Variants in CACNA1C observed in about 807,000 individuals in gnomAD.
CACNA1C encodes calcium voltage-gated channel subunit alpha1 C.
A neutral mutation model predicts 229.0 loss-of-function variants in CACNA1C; 30 were observed. The ratio of observed to expected loss-of-function variants is 0.13; its 90% CI spans 0.10 to 0.18. CACNA1C has a LOEUF of 0.18. Among genes scored for constraint, CACNA1C ranks in the 10% least tolerant of loss-of-function variants. CACNA1C has a pLI of 1.00. For synonymous variants in CACNA1C, 1,114 were observed against 1,132.5 expected (o/e 0.98, Z 0.33); for missense variants, 1,658 against 2,845.0 (o/e 0.58, Z 9.49).
intron 3 of CACNA1C, among the ~76,000 whole-genome samples, chr12:2,222,625 C>A (rs1015601768): frequency 6.6e-6 from 1 of 152,102 alleles, no homozygotes; most frequent in African/African-American, 2.4e-5. Context: ...TTTATGGTAC[C>A]CTGTCGTGCC....
At chr12:2,293,858 A>G (rs1243689388) in intron 3 of CACNA1C, among the ~76,000 whole-genome samples, 1 of 152,268 alleles carries the variant, frequency 6.6e-6, no homozygotes. Context: ...ATGAGTGACT[A>G]ATAGATAACA....
intron 3 of CACNA1C, among the ~76,000 whole-genome samples, chr12:2,265,102 G>A (rs1286039795): frequency 6.6e-6 from 1 of 152,184 alleles, no homozygotes; most frequent in Non-Finnish European, 1.5e-5. Context: ...ACAATACCAG[G>A]GATTCCAGGA....
intron 1 of CACNA1C, among the ~76,000 whole-genome samples, chr12:2,101,379 GGA>G (rs2076348502): frequency 6.6e-6 from 1 of 152,214 alleles, no homozygotes; most frequent in Admixed American, 6.5e-5. Flanking sequence ...CTGACAGGGT[GGA>G]GCAGACCACG....
At chr12:2,622,870 C>T (rs1055765505) in intron 29 of CACNA1C, among the ~76,000 whole-genome samples, 9 of 152,222 alleles carry the variant, frequency 5.9e-5, no homozygotes, top group African/African-American at 2.2e-4. Flanking sequence ...AGTTTTCCAT[C>T]TCCTGGTGGC....
At chr12:2,390,399 C>T (rs10160993) in intron 3 of CACNA1C, among the ~76,000 whole-genome samples, 2 of 151,982 alleles carry the variant, frequency 1.3e-5, no homozygotes, top group African/African-American at 4.8e-5. Context: ...CTTAACATTA[C>T]GGGACAGTCA....
intron 42 of CACNA1C, chr12:2,680,272 G>A: frequency 2.0e-6 from 2 of 1,014,336 alleles, no homozygotes; most frequent in Non-Finnish European, 1.4e-6. Context: ...GGCCCATTCT[G>A]CCCAGCACAG....
intron 3 of CACNA1C, chr12:2,220,440 G>A (rs974792261): frequency 1.3e-5 from 2 of 152,494 alleles, no homozygotes; most frequent in African/African-American, 4.8e-5. Flanking sequence ...CTGATATTTG[G>A]TGTGAAGAGG....
intron 10 of CACNA1C, among the ~76,000 whole-genome samples, chr12:2,556,387 C>A (rs559449734): frequency 6.6e-6 from 1 of 152,208 alleles, no homozygotes; most frequent in South Asian, 2.1e-4. Flanking sequence ...TGCGTGTGAC[C>A]GTCAGCATCC....
chr12:2,037,538 A>T (rs1306697282), intron 1 of CACNA1C, among the ~76,000 whole-genome samples: 4 of 152,226 alleles, frequency 2.6e-5, no homozygotes, highest in South Asian at 4.1e-4. Flanking sequence ...GAAAAGGGTC[A>T]GAATGGTCCC....
At chr12:2,561,382 T>G (rs542251598) in intron 11 of CACNA1C, among the ~76,000 whole-genome samples, 309 of 152,352 alleles carry the variant, frequency 2.0e-3, no homozygotes, top group Non-Finnish European at 3.8e-3. Flanking sequence ...TGTGTCTCCG[T>G]GTAGCTTTTA....
At chr12:2,656,819 A>G (rs2095447262) in intron 34 of CACNA1C, among the ~76,000 whole-genome samples, 1 of 152,260 alleles carries the variant, frequency 6.6e-6, no homozygotes, top group Non-Finnish European at 1.5e-5. Context: ...TGCCAAGAAC[A>G]CACAGTGGAG....
At chr12:2,062,313 G>A (rs374240828) in intron 1 of CACNA1C, among the ~76,000 whole-genome samples, 1 of 152,142 alleles carries the variant, frequency 6.6e-6, no homozygotes, top group Admixed American at 6.5e-5. Context: ...ATCCTACCAC[G>A]TGGGTTTTAA....
intron 3 of CACNA1C, among the ~76,000 whole-genome samples, chr12:2,211,602 G>A (rs2097917162): frequency 6.6e-6 from 1 of 152,110 alleles, no homozygotes; most frequent in Non-Finnish European, 1.5e-5. Context: ...AGTCATTCAT[G>A]CAGGTTTGGC....
At chr12:2,555,931 C>A (rs2154592515) in intron 10 of CACNA1C, among the ~76,000 whole-genome samples, 1 of 152,268 alleles carries the variant, frequency 6.6e-6, no homozygotes, top group Non-Finnish European at 1.5e-5. Flanking sequence ...CTCCTGTTTC[C>A]TCCCCATGCC....
intron 5 of CACNA1C, among the ~76,000 whole-genome samples, chr12:2,478,003 G>A (rs2099639487): frequency 6.6e-6 from 1 of 152,052 alleles, no homozygotes; most frequent in African/African-American, 2.4e-5. Flanking sequence ...GTGGATGCAT[G>A]TACTTAGTGG....
intron 5 of CACNA1C, among the ~76,000 whole-genome samples, chr12:2,465,562 G>C (rs777402033): frequency 6.6e-6 from 1 of 152,182 alleles, no homozygotes; most frequent in Admixed American, 6.5e-5. Flanking sequence ...CGAAAAGGAA[G>C]TATGGGTCGT....
chr12:2,263,734 T>C (rs983556650), intron 3 of CACNA1C, among the ~76,000 whole-genome samples: 6 of 151,944 alleles, frequency 3.9e-5, no homozygotes, highest in Non-Finnish European at 7.4e-5. Flanking sequence ...AGATGGACTC[T>C]ATATCTTGGC....
intron 34 of CACNA1C, among the ~76,000 whole-genome samples, chr12:2,655,834 A>T (rs1336778698): frequency 6.6e-6 from 1 of 152,230 alleles, no homozygotes; most frequent in Non-Finnish European, 1.5e-5. Flanking sequence ...AGAATGAAGG[A>T]AAAAAGACCC....
At chr12:2,116,469 C>T in intron 2 of CACNA1C, among the ~76,000 whole-genome samples, 1 of 151,956 alleles carries the variant, frequency 6.6e-6, no homozygotes, top group Non-Finnish European at 1.5e-5. Context: ...GGGTTCGCAC[C>T]ATTGTCCTGC....
Sources: gnomAD v4.1 joint callset for allele counts (sites outside exome capture counted in the v4.1 genomes callset) on GRCh38, gnomAD v4.1.1 for gene constraint, MANE v1.5 for transcripts, NCBI Gene and HGNC (gene_info 2026-07-23, HGNC 2026-07-21) for gene names.